The following TPO variants were observed in gnomAD, a reference collection of about 807,000 sequenced individuals.
The protein encoded by TPO is thyroid peroxidase, also known as thyroid microsomal antigen.
A neutral mutation model predicts 96.9 loss-of-function variants in TPO; 78 were observed. That is an observed-to-expected ratio of 0.81 (90% CI 0.67 to 0.97). The LOEUF is 0.97. TPO is among the 50% of genes least tolerant of loss of function. The pLI, the probability that TPO is intolerant of heterozygous loss-of-function variation, is 0.00. For missense variants in TPO, 1,252 were observed against 1,274.8 expected (o/e 0.98, Z 0.27); for synonymous variants, 547 against 538.0 (o/e 1.02, Z -0.23).
intron 7 of TPO, among the ~76,000 whole-genome samples, chr2:1,457,660 TGCATATATA>T (rs1317036709): frequency 6.9e-6 from 1 of 145,678 alleles, no homozygotes; most frequent in Non-Finnish European, 1.5e-5. Flanking sequence ...TGTGGGCACA[TGCATATATA>T]GCATATATGA....
intron 2 of TPO, among the ~76,000 whole-genome samples, chr2:1,418,299 A>AAG (rs1553296831): frequency 0.019 from 2,795 of 146,284 alleles, 95 homozygotes; most frequent in African/African-American, 0.067. Context: ...AAAAAAAAAA[A>AAG]AGAGAGAGAG....
At chr2:1,503,155 G>A (rs1673042569) in intron 13 of TPO, among the ~76,000 whole-genome samples, 2 of 152,162 alleles carry the variant, frequency 1.3e-5, no homozygotes, top group Admixed American at 1.3e-4. Flanking sequence ...TCTGTCTAGG[G>A]ATGTCGTCAG....
rs77317316 is a variant in TPO, at chr2:1,454,953, T to C, written c.613-1123T>C. On this transcript the variant is annotated intron_variant, in intron 6 of 16. Transcript: ENST00000329066. ...ATCTTCCAATTTCACAATCAGTGTC[T>C]GATGTCTCACTTGGCTGAAATCAAG... Among the ~76,000 whole-genome samples the C allele has an allele frequency of 5.8e-3, 887 of 152,330 alleles. 15 individuals carry two copies. The highest frequency in any genetic ancestry group is 0.02 in the African/African-American group (822 of 41,582).
intron 1 of TPO, among the ~76,000 whole-genome samples, chr2:1,390,263 G>T (rs989409274): frequency 4.6e-5 from 7 of 152,082 alleles, no homozygotes; most frequent in African/African-American, 1.7e-4. Context: ...GTGAGAACAT[G>T]TGGTGTTTGG....
chr2:1,526,247 C>T (rs1676470465), intron 15 of TPO, among the ~76,000 whole-genome samples: 1 of 110,208 alleles, frequency 9.1e-6, no homozygotes, highest in Non-Finnish European at 1.8e-5. Flanking sequence ...CCCCCAAGTC[C>T]CCCCCACTGT....
intron 3 of TPO, among the ~76,000 whole-genome samples, chr2:1,425,135 G>C (rs1016982104): frequency 2.4e-4 from 36 of 151,940 alleles, no homozygotes; most frequent in African/African-American, 8.2e-4. Flanking sequence ...CATTGTTCTA[G>C]ATGCCGGGAT....
chr2:1,499,714 G>T (rs1232111918), intron 13 of TPO, among the ~76,000 whole-genome samples: 1 of 152,196 alleles, frequency 6.6e-6, no homozygotes, highest in Non-Finnish European at 1.5e-5. Context: ...CTGTGTATAT[G>T]AAGGTCTGAG....
intron 5 of TPO, among the ~76,000 whole-genome samples, chr2:1,436,780 A>C (rs545126138): frequency 1.3e-5 from 2 of 151,742 alleles, no homozygotes; most frequent in East Asian, 3.9e-4. Flanking sequence ...AGTCCTCTCC[A>C]CTCCCTGTCA....
intron 14 of TPO, among the ~76,000 whole-genome samples, chr2:1,506,193 A>G (rs1474370567): frequency 6.6e-6 from 1 of 152,028 alleles, no homozygotes; most frequent in Non-Finnish European, 1.5e-5. Context: ...AGTTTCATCC[A>G]TGTCCCTACA....
intron 15 of TPO, among the ~76,000 whole-genome samples, chr2:1,518,208 A>G (rs1333701658): frequency 6.6e-6 from 1 of 152,254 alleles, no homozygotes; most frequent in Admixed American, 6.5e-5. Flanking sequence ...TAGAAACTCA[A>G]CATTCTAGCA....
intron 11 of TPO, 74 bp downstream of exon 11, chr2:1,494,113 G>C: frequency 7.0e-7 from 1 of 1,421,704 alleles, no homozygotes; most frequent in Non-Finnish European, 9.9e-7. Context: ...TCTGAAGCCA[G>C]CCAGACCTGC....
At chr2:1,471,603 T>TCTATTC (rs1669423769) in intron 7 of TPO, among the ~76,000 whole-genome samples, 1 of 152,012 alleles carries the variant, frequency 6.6e-6, no homozygotes, top group East Asian at 1.9e-4. Context: ...CCGACACGAG[T>TCTATTC]CTCTTCCTCT....
chr2:1,440,089 T>C (rs777922087), intron 5 of TPO, among the ~76,000 whole-genome samples: 5 of 152,148 alleles, frequency 3.3e-5, no homozygotes, highest in Admixed American at 6.6e-5. Flanking sequence ...ATTTCCAATG[T>C]GCTGCGTTTC....
intron 15 of TPO, among the ~76,000 whole-genome samples, chr2:1,522,884 A>AAACCTCCTCAAATCCCCCCACTGTGTGC (rs1675486634): frequency 4.0e-5 from 1 of 24,852 alleles, no homozygotes; most frequent in Non-Finnish European, 7.8e-5. Context: ...CCACTGTGTG[A>AAACCTCCTCAAATCCCCCCACTGTGTGC]AACCTCCTCA....
At chr2:1,478,209 G>C (rs1670170311) in intron 8 of TPO, 1 of 985,322 alleles carries the variant, frequency 1.0e-6, no homozygotes, top group Admixed American at 6.1e-5. Flanking sequence ...GGAGAGTCAA[G>C]TTGGCCTTTT....
At chr2:1,532,669 T>C (rs111984880) in intron 15 of TPO, among the ~76,000 whole-genome samples, 7,338 of 10,810 alleles carry the variant, frequency 0.68, 1,955 homozygotes, top group African/African-American at 0.76. Context: ...TGTGTACAAC[T>C]TCCTCACAAC....
intron 1 of TPO, among the ~76,000 whole-genome samples, chr2:1,394,973 A>G (rs1002787420): frequency 1.1e-4 from 16 of 152,126 alleles, no homozygotes; most frequent in Admixed American, 3.9e-4. Flanking sequence ...CCTGCACACC[A>G]TATGTTGGAT....
intron 8 of TPO, among the ~76,000 whole-genome samples, chr2:1,482,069 T>C (rs1033307612): frequency 2.0e-5 from 3 of 152,174 alleles, no homozygotes; most frequent in Admixed American, 6.5e-5. Context: ...TAATAGGGCA[T>C]GTTTGAGAAA....
chr2:1,384,256 T>C (rs930252821), intron 1 of TPO, among the ~76,000 whole-genome samples: 1 of 152,228 alleles, frequency 6.6e-6, no homozygotes, highest in Non-Finnish European at 1.5e-5. Flanking sequence ...AGAAAGTCAT[T>C]GGTAGCTTCA....
Sources: gnomAD v4.1 joint callset for allele counts (sites outside exome capture counted in the v4.1 genomes callset) on GRCh38, gnomAD v4.1.1 for gene constraint, MANE v1.5 for transcripts, NCBI Gene and HGNC (gene_info 2026-07-23, HGNC 2026-07-21) for gene names.